LSM14A: variants seen among roughly 807,000 people sequenced by gnomAD.
The protein encoded by LSM14A is LSM14A mRNA processing body assembly factor.
LSM14A carries 14 observed loss-of-function variants against 52.4 expected under a neutral mutation model. That is an observed-to-expected ratio of 0.27 (90% CI 0.18 to 0.42). The LOEUF is 0.42. Among genes scored for constraint, LSM14A ranks in the 10% least tolerant of loss-of-function variants. LSM14A has a pLI of 1.00. For synonymous variants in LSM14A, 185 were observed against 200.3 expected, an observed-to-expected ratio of 0.92 and a Z score of 0.64; for missense variants, 417 against 581.8, an observed-to-expected ratio of 0.72 and a Z score of 2.91.
chr19:34,213,440 C>G (rs2072318497), intron 4 of LSM14A, among the ~76,000 whole-genome samples: 1 of 152,146 alleles, frequency 6.6e-6, no homozygotes, highest in Admixed American at 6.5e-5. Flanking sequence ...GGAAATATTA[C>G]TAATAAATTA....
intron 3 of LSM14A, among the ~76,000 whole-genome samples, chr19:34,207,294 A>G (rs1310288651): frequency 6.6e-6 from 1 of 152,150 alleles, no homozygotes; most frequent in Non-Finnish European, 1.5e-5. Context: ...GGAGATGCAA[A>G]TATACATCAA....
chr19:34,203,882 G>A (rs1267142835), intron 3 of LSM14A, among the ~76,000 whole-genome samples: 2 of 149,120 alleles, frequency 1.3e-5, no homozygotes, highest in African/African-American at 4.9e-5. Flanking sequence ...CAGTTAAAAG[G>A]CAGAGAGTGT....
intron 3 of LSM14A, among the ~76,000 whole-genome samples, chr19:34,205,422 G>T (rs1189424146): frequency 6.8e-6 from 1 of 145,994 alleles, no homozygotes; most frequent in East Asian, 2.1e-4. Context: ...GGAGGCGGAG[G>T]TTGCAGTGAG....
intron 1 of LSM14A, among the ~76,000 whole-genome samples, chr19:34,177,740 G>A (rs1341235779): frequency 2.1e-5 from 2 of 96,626 alleles, no homozygotes; most frequent in Non-Finnish European, 4.8e-5. Context: ...ATTTTAAAAA[G>A]TGCATTAGCC....
At chr19:34,194,755 A>G in intron 2 of LSM14A, 114 bp downstream of exon 2, 2 of 923,608 alleles carry the variant, frequency 2.2e-6, no homozygotes, top group Non-Finnish European at 3.5e-6. Flanking sequence ...AGTTACTGGG[A>G]TACCTGAAAT....
intron 1 of LSM14A, among the ~76,000 whole-genome samples, chr19:34,174,241 G>A (rs1456685855): frequency 2.6e-5 from 4 of 152,174 alleles, no homozygotes; most frequent in Non-Finnish European, 5.9e-5. Flanking sequence ...GAGCCACCGC[G>A]CCCAGCCTCT....
intron 6 of LSM14A, among the ~76,000 whole-genome samples, chr19:34,217,031 G>A (rs2072654913): frequency 6.6e-6 from 1 of 152,174 alleles, no homozygotes; most frequent in Admixed American, 6.5e-5. Context: ...GGACGCCGAG[G>A]CGGGCAGGTC....
intron 4 of LSM14A, among the ~76,000 whole-genome samples, chr19:34,212,891 T>A (rs1340267079): frequency 6.6e-6 from 1 of 152,230 alleles, no homozygotes; most frequent in Non-Finnish European, 1.5e-5. Flanking sequence ...GGATCTTTTC[T>A]CAAAAGCCTT....
At chr19:34,208,709 T>G in intron 3 of LSM14A, 1 of 415,718 alleles carries the variant, frequency 2.4e-6, no homozygotes, top group Non-Finnish European at 4.3e-6. Context: ...CATCCAAGGA[T>G]AGTGGACAGT....
At chr19:34,209,078 T>G (rs749488265) in intron 4 of LSM14A, 27 bp downstream of exon 4, 1 of 1,527,950 alleles carries the variant, frequency 6.5e-7, no homozygotes, top group Non-Finnish European at 8.8e-7. Flanking sequence ...CTAAAATATT[T>G]CCATTCTAAA....
chr19:34,211,050 C>G (rs1284846732), intron 4 of LSM14A, among the ~76,000 whole-genome samples: 1 of 151,760 alleles, frequency 6.6e-6, no homozygotes, highest in Non-Finnish European at 1.5e-5. Context: ...TGCCTGTAAT[C>G]CCAGCACTTT....
intron 1 of LSM14A, among the ~76,000 whole-genome samples, chr19:34,173,721 T>G (rs1320238218): frequency 6.6e-6 from 1 of 152,158 alleles, no homozygotes; most frequent in Non-Finnish European, 1.5e-5. Context: ...TAAAATACTT[T>G]GAGGGAAGCT....
At chr19:34,188,481 T>A (rs568946713) in intron 1 of LSM14A, among the ~76,000 whole-genome samples, 2 of 152,160 alleles carry the variant, frequency 1.3e-5, no homozygotes, top group Non-Finnish European at 2.9e-5. Context: ...TTACATGCAA[T>A]TAACCATTAT....
At chr19:34,185,774 G>A (rs1191491122) in intron 1 of LSM14A, among the ~76,000 whole-genome samples, 2 of 152,156 alleles carry the variant, frequency 1.3e-5, no homozygotes, top group Non-Finnish European at 1.5e-5. Flanking sequence ...GTATGGCACC[G>A]AATGGACAAG....
chr19:34,198,949 T>C (rs1371330979), intron 3 of LSM14A, among the ~76,000 whole-genome samples: 2 of 151,592 alleles, frequency 1.3e-5, no homozygotes, highest in East Asian at 3.9e-4. Flanking sequence ...ATCGTACCAC[T>C]GCACTCCAGC....
chr19:34,202,839 A>G (rs555819222), intron 3 of LSM14A, among the ~76,000 whole-genome samples: 1 of 151,980 alleles, frequency 6.6e-6, no homozygotes, highest in African/African-American at 2.4e-5. Flanking sequence ...TATTTTTTTT[A>G]GTAGAGACGG....
At chr19:34,202,549 T>G (rs1239476652) in intron 3 of LSM14A, among the ~76,000 whole-genome samples, 1 of 151,854 alleles carries the variant, frequency 6.6e-6, no homozygotes, top group Non-Finnish European at 1.5e-5. Context: ...AAATCTACAC[T>G]GAGACACCAT....
rs568583785 is a variant in LSM14A at position 34,192,824 on chromosome 19, C to A, written c.122-1654C>A. On this transcript the variant is annotated intron_variant, in intron 1 of 9. Transcript: ENST00000544216. ...ACCCCATCTCCGCTAAAAAAAAATACAAAAATTAGCTGCGCATGGTGGCAC... is the reference window on the plus strand; with the variant it reads ...ACCCCATCTCCGCTAAAAAAAAATAAAAAAATTAGCTGCGCATGGTGGCAC... 5.9e-5 allele frequency among the ~76,000 whole-genome samples: 9 copies of A among 151,480 alleles called. No homozygotes were observed. The East Asian group carries it at 1.8e-3, about 30-fold the overall frequency.
At chr19:34,177,662 G>C (rs577093766) in intron 1 of LSM14A, among the ~76,000 whole-genome samples, 14 of 152,142 alleles carry the variant, frequency 9.2e-5, no homozygotes, top group African/African-American at 3.4e-4. Flanking sequence ...TCAAGGCCGG[G>C]GTATTGCTTG....
Sources: allele counts gnomAD v4.1 joint callset (sites outside exome capture counted in the v4.1 genomes callset), GRCh38; gene constraint gnomAD v4.1.1; transcripts MANE v1.5; gene names NCBI Gene and HGNC (gene_info 2026-07-23, HGNC 2026-07-21).